The following PRKN variants were observed in gnomAD, a reference collection of about 807,000 sequenced individuals.
PRKN encodes E3 ubiquitin-protein ligase parkin.
A neutral mutation model predicts 59.5 loss-of-function variants in PRKN; 56 were observed. That is an observed-to-expected ratio of 0.94 (90% CI 0.76 to 1.18). The LOEUF is 1.18. Ranked by LOEUF, PRKN falls within the 50% of genes most tolerant of loss-of-function variation. PRKN has a pLI of 0.00. For synonymous variants in PRKN, 250 were observed against 222.1 expected (o/e 1.13, Z -1.12); for missense variants, 657 against 596.4 (o/e 1.10, Z -1.06).
At chr6:161,486,473 T>C (rs1229672595) in intron 9 of PRKN, among the ~76,000 whole-genome samples, 1 of 152,164 alleles carries the variant, frequency 6.6e-6, no homozygotes, top group Admixed American at 6.5e-5. Flanking sequence ...AGCAGTGGTG[T>C]GAATACAGCT....
intron 7 of PRKN, among the ~76,000 whole-genome samples, chr6:161,689,972 A>G (rs113572338): frequency 0.032 from 4,807 of 152,248 alleles, 248 homozygotes; most frequent in African/African-American, 0.11. Flanking sequence ...TCGGCCTCCC[A>G]AAGTGCTGGG....
chr6:162,007,978 G>T (rs534047444), intron 5 of PRKN, among the ~76,000 whole-genome samples: 13 of 152,024 alleles, frequency 8.6e-5, no homozygotes, highest in Non-Finnish European at 1.6e-4. Context: ...TTCAGATGTC[G>T]CTAGGGGAGC....
intron 5 of PRKN, among the ~76,000 whole-genome samples, chr6:162,011,838 A>C (rs1237405747): frequency 1.3e-5 from 2 of 151,784 alleles, no homozygotes. Context: ...CTATCAAATT[A>C]TTTTACTTCT....
chr6:162,543,208 G>A (rs1306334235), intron 1 of PRKN, among the ~76,000 whole-genome samples: 2 of 151,994 alleles, frequency 1.3e-5, no homozygotes, highest in Non-Finnish European at 2.9e-5. Context: ...TTAATGCCAG[G>A]ACCAGGGCCA....
chr6:162,591,159 G>C (rs1781289997), intron 1 of PRKN, among the ~76,000 whole-genome samples: 1 of 152,066 alleles, frequency 6.6e-6, no homozygotes. Context: ...CCAAATTTAA[G>C]GATAGAGGCA....
intron 7 of PRKN, among the ~76,000 whole-genome samples, chr6:161,712,878 G>C (rs940707169): frequency 6.6e-6 from 1 of 152,078 alleles, no homozygotes; most frequent in Non-Finnish European, 1.5e-5. Flanking sequence ...TGGTGGGGGG[G>C]ACTTGCCACA....
chr6:162,719,206 C>T (rs910756267), intron 1 of PRKN, among the ~76,000 whole-genome samples: 10 of 152,156 alleles, frequency 6.6e-5, no homozygotes, highest in African/African-American at 1.9e-4. Flanking sequence ...CATGTAAAAA[C>T]GTCTTTATAT....
chr6:162,188,101 A>G (rs539515189), intron 4 of PRKN, among the ~76,000 whole-genome samples: 7 of 152,250 alleles, frequency 4.6e-5, no homozygotes, highest in African/African-American at 1.7e-4. Flanking sequence ...GCCACCATCC[A>G]TGTAAGACAT....
intron 2 of PRKN, among the ~76,000 whole-genome samples, chr6:162,287,800 TTTGA>T (rs1205148850): frequency 6.6e-6 from 1 of 152,154 alleles, no homozygotes; most frequent in African/African-American, 2.4e-5. Flanking sequence ...GAAAATTAGC[TTTGA>T]TTATGAAAAA....
chr6:161,883,354 T>C (rs1259278957), intron 6 of PRKN, among the ~76,000 whole-genome samples: 1 of 151,566 alleles, frequency 6.6e-6, no homozygotes. Context: ...ATACAAAAAT[T>C]AGCCAGGCAA....
chr6:162,512,139 T>C (rs1777649918), intron 1 of PRKN, among the ~76,000 whole-genome samples: 1 of 152,186 alleles, frequency 6.6e-6, no homozygotes, highest in Admixed American at 6.6e-5. Context: ...TGTAACAAAT[T>C]AAAGTGGAAG....
In PRKN at chr6:161,584,761, C is replaced by T. The variant is rs1367262662; in HGVS notation, c.872-15345G>A. On this transcript the variant is annotated intron_variant, in intron 7 of 11. Coordinates refer to ENST00000366898, the MANE Select transcript of PRKN (RefSeq NM_004562.3). The surrounding 1 kb of genome is among the most constrained non-coding windows in gnomAD (Gnocchi z 4.8). ...TGCTTCTCAGAAGACATCCCGAACA[C>T]CTCAATAACAAATGTTATATTGAAA... is the stretch of plus-strand genomic sequence containing the variant. Among the ~76,000 whole-genome samples, 1 of 152,136 alleles carries T rather than the reference C, an allele frequency of 6.6e-6. No individual in the cohort carries two copies. Among genetic ancestry groups the T allele is most frequent in the East Asian group, 1.9e-4 (1 of 5,200 alleles).
intron 2 of PRKN, among the ~76,000 whole-genome samples, chr6:162,272,210 A>G (rs1476633873): frequency 6.6e-6 from 1 of 152,134 alleles, no homozygotes; most frequent in Non-Finnish European, 1.5e-5. Flanking sequence ...GTGCTGTTTG[A>G]GCATGTAGGG....
chr6:162,226,662 T>C (rs1378725552), intron 3 of PRKN, among the ~76,000 whole-genome samples: 2 of 152,000 alleles, frequency 1.3e-5, no homozygotes, highest in African/African-American at 4.8e-5. Flanking sequence ...GCCTCCCGAG[T>C]AGCTGGGACT....
chr6:162,202,470 T>C (rs1784772527), intron 3 of PRKN, among the ~76,000 whole-genome samples: 2 of 152,210 alleles, frequency 1.3e-5, no homozygotes, highest in African/African-American at 4.8e-5. Context: ...GTTTGCAATA[T>C]ATTTTATAAT....
intron 6 of PRKN, among the ~76,000 whole-genome samples, chr6:161,828,747 C>A (rs1792350277): frequency 6.6e-6 from 1 of 151,984 alleles, no homozygotes; most frequent in East Asian, 1.9e-4. Context: ...GACAAAACCC[C>A]ATCTCTACTA....
chr6:162,361,311 C>A (rs919506912), intron 2 of PRKN, among the ~76,000 whole-genome samples: 2 of 151,908 alleles, frequency 1.3e-5, no homozygotes, highest in Non-Finnish European at 2.9e-5. Flanking sequence ...CCAATGTGAT[C>A]GTATTTGGAG....
chr6:162,186,402 C>G (rs1018172460), intron 4 of PRKN, among the ~76,000 whole-genome samples: 4 of 151,448 alleles, frequency 2.6e-5, no homozygotes, highest in African/African-American at 7.3e-5. Flanking sequence ...TGAAACATCT[C>G]ATGAACATCA....
intron 6 of PRKN, among the ~76,000 whole-genome samples, chr6:161,811,496 C>T (rs112210462): frequency 5.1e-4 from 77 of 152,238 alleles, no homozygotes; most frequent in African/African-American, 1.7e-3. Context: ...TTTCAATATA[C>T]GGGGCTTGGA....
Sources: gnomAD v4.1 joint callset for allele counts (sites outside exome capture counted in the v4.1 genomes callset) on GRCh38, gnomAD v4.1.1 for gene constraint, Gnocchi (gnomAD v3.1) non-coding constraint, MANE v1.5 for transcripts, NCBI Gene and HGNC (gene_info 2026-07-23, HGNC 2026-07-21) for gene names.